PMPCB: variants seen among roughly 807,000 people sequenced by gnomAD.
PMPCB encodes the protein mitochondrial-processing peptidase subunit beta.
In PMPCB, 46 loss-of-function variants were observed where a neutral mutation model predicts 61.5. The ratio of observed to expected loss-of-function variants is 0.75; its 90% CI spans 0.59 to 0.96. The LOEUF (loss-of-function observed/expected upper bound fraction) is 0.96, where lower values mean the gene tolerates loss of function less well. PMPCB is among the 40% of genes least tolerant of loss of function. The pLI is 0.00. For missense variants in PMPCB, 590 were observed against 602.4 expected, an observed-to-expected ratio of 0.98 and a Z score of 0.22; for synonymous variants, 191 against 201.6, an observed-to-expected ratio of 0.95 and a Z score of 0.44.
intron 9 of PMPCB, 56 bp downstream of exon 9, chr7:103,310,531 GTTT>G (rs555574022): frequency 2.2e-6 from 3 of 1,374,244 alleles, no homozygotes; most frequent in Admixed American, 4.2e-5. Context: ...TTTTAAACTA[GTTT>G]TTTATTTATA....
At chr7:103,311,758 A>T in intron 10 of PMPCB, 30 bp downstream of exon 10, 1 of 1,603,470 alleles carries the variant, frequency 6.2e-7, no homozygotes, top group Non-Finnish European at 8.5e-7. Flanking sequence ...TTCTGTTTTC[A>T]TATGGTTGAT....
At chr7:103,334,568 C>T in the PMPCB span, among the ~76,000 whole-genome samples, 3 of 148,872 alleles carry the variant, frequency 2.0e-5, no homozygotes, top group East Asian at 4.0e-4. Context: ...AGTTAGACTC[C>T]GTCTTAAAAA....
At chr7:103,309,478 C>G (rs1817678452) in intron 8 of PMPCB, among the ~76,000 whole-genome samples, 1 of 151,330 alleles carries the variant, frequency 6.6e-6, no homozygotes, top group African/African-American at 2.4e-5. Flanking sequence ...CATGTATGGA[C>G]TTTTTTTTTG....
intron 12 of PMPCB, among the ~76,000 whole-genome samples, chr7:103,327,937 TGA>T (rs1283723471): frequency 2.0e-5 from 3 of 152,206 alleles, no homozygotes; most frequent in African/African-American, 7.2e-5. Flanking sequence ...TATTATTTTT[TGA>T]GACAGAGTTT....
At chr7:103,323,945 G>A (rs968913133) in intron 12 of PMPCB, among the ~76,000 whole-genome samples, 1 of 152,046 alleles carries the variant, frequency 6.6e-6, no homozygotes, top group Non-Finnish European at 1.5e-5. Flanking sequence ...CTTCAATTTC[G>A]CTAGTCTGTC....
downstream of PMPCB, chr7:103,329,540 A>G (rs928975542): frequency 1.8e-4 from 27 of 152,290 alleles, no homozygotes; most frequent in African/African-American, 6.3e-4. Context: ...CAATAGTTCT[A>G]GTTTCATTAA....
chr7:103,312,045 C>G lies in PMPCB; in HGVS notation c.1330-11C>G. The stretch of plus-strand genomic sequence containing the variant: ...ACAAACAGCTGAATGACAGTGTCTT[C>G]CATATTTCAGGCTGTGAATGCTGAG... On this transcript the variant is annotated splice_polypyrimidine_tract_variant and intron_variant, in intron 11 of 12. Transcript: ENST00000249269. 1 of 1,611,814 alleles carries G rather than the reference C, an allele frequency of 6.2e-7. No homozygotes were observed. The highest frequency in any genetic ancestry group is 8.5e-7 in the Non-Finnish European group (1 of 1,178,680).
At chr7:103,297,717 G>A (rs1817325811) in intron 1 of PMPCB, 159 bp downstream of exon 1, 1 of 1,534,554 alleles carries the variant, frequency 6.5e-7, no homozygotes, top group Non-Finnish European at 8.7e-7. Flanking sequence ...TGAACTGGCC[G>A]GGGGTGACTG....
At position 103,308,993 on chromosome 7, in the gene PMPCB, A is replaced by G; in HGVS notation, c.891A>G (p.Ala297=). 6.2e-7 allele frequency: 1 copy of G among 1,603,974 alleles called. No homozygotes were observed. Residue 297 remains alanine, a synonymous_variant, in exon 8 of 13, where the codon GCA becomes GCG. Transcript: ENST00000249269. ...RDDKMPLAHL[A]IAVEAVGWAH... ...ACAAGATGCCTTTGGCGCACCTTGC[A>G]ATAGCTGTTGAAGCTGTTGGTTGGG...
At chr7:103,320,961 T>TC (rs1818373088) in intron 12 of PMPCB, 1 of 150,652 alleles carries the variant, frequency 6.6e-6, no homozygotes, top group East Asian at 2.0e-4. Flanking sequence ...ACTTTGGGAG[T>TC]CCAAGGCAGG....
At chr7:103,345,907 T>C in the PMPCB span, among the ~76,000 whole-genome samples, 2 of 151,688 alleles carry the variant, frequency 1.3e-5, no homozygotes, top group African/African-American at 2.4e-5. Context: ...ATCACACCAT[T>C]GCGCTCCAGC....
the PMPCB span, among the ~76,000 whole-genome samples, chr7:103,338,613 A>T: frequency 2.6e-5 from 4 of 151,730 alleles, no homozygotes; most frequent in Non-Finnish European, 4.4e-5. Flanking sequence ...CCCTGTCTTT[A>T]AAAAAAAGAA....
intron 12 of PMPCB, chr7:103,327,439 T>A: frequency 1.2e-6 from 1 of 804,678 alleles, no homozygotes; most frequent in Non-Finnish European, 2.0e-6. Flanking sequence ...GCATTTCTAA[T>A]AAGCTGCCAG....
chr7:103,323,629 A>C, intron 12 of PMPCB: 1 of 1,460,272 alleles, frequency 6.8e-7, no homozygotes, highest in Non-Finnish European at 9.3e-7. Context: ...TCTTCATCTA[A>C]ATAAGAAAAT....
downstream of PMPCB, among the ~76,000 whole-genome samples, chr7:103,332,101 T>C (rs1818999323): frequency 6.6e-6 from 1 of 151,564 alleles, no homozygotes; most frequent in Non-Finnish European, 1.5e-5. Context: ...GCCTCTCGGG[T>C]TCATGCCATT....
chr7:103,297,587 C>G (rs1295696913), intron 1 of PMPCB, 29 bp downstream of exon 1: 1 of 1,611,756 alleles, frequency 6.2e-7, no homozygotes, highest in Non-Finnish European at 8.5e-7. Context: ...CGGTCCTGTC[C>G]TCGAGATCTC....
intron 12 of PMPCB, chr7:103,321,945 C>T (rs1342842029): frequency 2.5e-6 from 4 of 1,613,244 alleles, no homozygotes; most frequent in Non-Finnish European, 3.4e-6. Context: ...GCATGAGTTT[C>T]GAAGTTTTTG....
At chr7:103,332,078 C>T (rs1031100722), downstream of PMPCB, among the ~76,000 whole-genome samples, 2 of 151,256 alleles carry the variant, frequency 1.3e-5, no homozygotes, top group African/African-American at 2.4e-5. Context: ...AGTCTTGGCT[C>T]ACTGCATGCT....
At position 103,300,208 on chromosome 7, in the gene PMPCB, G is replaced by A. The variant is rs1301969485; in HGVS notation, c.358G>A (p.Glu120Lys). ...CAAGAAGAGATCCCAGTTAGATCTGGAACTTGAGATTGAAAATATGGGTGC... is the reference window on the plus strand; with the variant it reads ...CAAGAAGAGATCCCAGTTAGATCTGAAACTTGAGATTGAAAATATGGGTGC... ...GTKKRSQLDL[E>K]LEIENMGAHL... is the part of the protein sequence containing the mutation. The change falls in exon 4 of 13, where the codon GAA becomes AAA. Residue 120 changes from glutamate (E) to lysine (K), a missense_variant. By Grantham distance (56) the Glu-to-Lys change is moderately conservative (BLOSUM62 1). Transcript: ENST00000249269. 2 of 1,612,836 alleles carry A rather than the reference G, an allele frequency of 1.2e-6. No homozygotes were observed. The highest frequency in any genetic ancestry group is 1.7e-6 in the Non-Finnish European group (2 of 1,179,196).
Sources: allele counts gnomAD v4.1 joint callset (sites outside exome capture counted in the v4.1 genomes callset), GRCh38; gene constraint gnomAD v4.1.1; transcripts MANE v1.5; gene names NCBI Gene and HGNC (gene_info 2026-07-23, HGNC 2026-07-21).